Variants in PID1 observed in about 807,000 individuals in gnomAD.
PID1 encodes PTB-containing, cubilin and LRP1-interacting protein.
PID1 carries 10 observed loss-of-function variants against 19.1 expected under a neutral mutation model. The observed-to-expected ratio is 0.52, with a 90% CI of 0.32 to 0.89. PID1 has a LOEUF of 0.89. PID1 is among the 40% of genes least tolerant of loss of function. The pLI is 0.03. For missense variants in PID1, 248 were observed against 285.3 expected, an observed-to-expected ratio of 0.87 and a Z score of 0.94; for synonymous variants, 130 against 116.0, an observed-to-expected ratio of 1.12 and a Z score of -0.78.
intron 1 of PID1, among the ~76,000 whole-genome samples, chr2:229,214,020 C>T (rs147466203): frequency 1.1e-3 from 173 of 152,164 alleles, no homozygotes; most frequent in African/African-American, 3.8e-3. Context: ...TTAAGGAAAC[C>T]GAAACATGGA....
At chr2:229,050,836 A>G (rs1272351713) in intron 2 of PID1, among the ~76,000 whole-genome samples, 1 of 109,510 alleles carries the variant, frequency 9.1e-6, no homozygotes, top group Non-Finnish European at 1.8e-5. Context: ...CAAAAACAAA[A>G]CAAAAACAAC....
At chr2:229,256,220 G>A (rs1690291429) in intron 1 of PID1, among the ~76,000 whole-genome samples, 1 of 152,176 alleles carries the variant, frequency 6.6e-6, no homozygotes, top group South Asian at 2.1e-4. Flanking sequence ...AGATGGAACA[G>A]CAGCTGCTCA....
At position 229,210,139 on chromosome 2, in the gene PID1, TA is replaced by T. The variant is rs752450558; in HGVS notation, c.31-54176del. On this transcript the variant is annotated intron_variant, in intron 1 of 2. Coordinates refer to ENST00000392055, the MANE Select transcript of PID1 (RefSeq NM_001100818.2). Reference sequence around the variant, plus strand: ...GTATCAGACAGCGACTACTTGAACTTAAAAAAAAAAAAAAAAGTAAAATATG... The same window carrying T: ...GTATCAGACAGCGACTACTTGAACTTAAAAAAAAAAAAAAAGTAAAATATG... Among the ~76,000 whole-genome samples, 1,089 of 133,028 alleles carry T rather than the reference TA, an allele frequency of 8.2e-3. 5 individuals are homozygous for T. Among genetic ancestry groups the T allele is most frequent in the African/African-American group, 0.014 (493 of 36,022 alleles). The allele number at this position is 133,028 out of a possible 152,430, so 87.3% of individuals were successfully genotyped here.
chr2:229,043,260 C>T (rs1182133994), intron 2 of PID1, among the ~76,000 whole-genome samples: 5 of 152,094 alleles, frequency 3.3e-5, no homozygotes, highest in Non-Finnish European at 5.9e-5. Flanking sequence ...CCTGCCTCGG[C>T]CTCCCAAAGT....
chr2:229,232,836 T>C (rs1692244575), intron 1 of PID1, among the ~76,000 whole-genome samples: 1 of 149,518 alleles, frequency 6.7e-6, no homozygotes, highest in African/African-American at 2.4e-5. Flanking sequence ...TACATGCATG[T>C]GTATGTGTGT....
chr2:229,117,483 T>C (rs1218448075), intron 2 of PID1, among the ~76,000 whole-genome samples: 1 of 152,194 alleles, frequency 6.6e-6, no homozygotes, highest in Non-Finnish European at 1.5e-5. Context: ...GGGTCTCTCA[T>C]ACAGTCCTGC....
At chr2:229,094,464 A>G (rs1694935861) in intron 2 of PID1, among the ~76,000 whole-genome samples, 1 of 152,204 alleles carries the variant, frequency 6.6e-6, no homozygotes, top group South Asian at 2.1e-4. Flanking sequence ...GGAACCAAAG[A>G]AAAGCCCAAA....
chr2:229,114,720 AC>A (rs1695376103), intron 2 of PID1, among the ~76,000 whole-genome samples: 1 of 152,212 alleles, frequency 6.6e-6, no homozygotes, highest in African/African-American at 2.4e-5. Flanking sequence ...TTTCTAAAAC[AC>A]ATCTTTGTAA....
chr2:229,113,566 TTGTGTATG>T (rs1291985216), intron 2 of PID1, among the ~76,000 whole-genome samples: 9 of 141,054 alleles, frequency 6.4e-5, no homozygotes, highest in South Asian at 2.3e-4. Context: ...GCCTAGTTGT[TTGTGTATG>T]TGTGTATGTG....
rs1031940075 is a variant in PID1 at position 229,237,978 on chromosome 2, A to T, written c.30+33036T>A. ...CTACTAAATGAAATCTACATGGTAG[A>T]AAAAGTGGAGCTAGTATCAAACTAA... On this transcript the variant is annotated intron_variant, in intron 1 of 2. Transcript: ENST00000392055. Among the ~76,000 whole-genome samples the T allele has an allele frequency of 5.3e-5, 8 of 152,346 alleles. No individual in the cohort carries two copies. In the East Asian group the frequency reaches 1.5e-3, roughly 29 times the overall value.
chr2:229,251,944 T>TAAAAAAAAAAAAAA (rs11284650), intron 1 of PID1, among the ~76,000 whole-genome samples: 1 of 71,474 alleles, frequency 1.4e-5, no homozygotes. Context: ...AACCATAAGC[T>TAAAAAAAAAAAAAA]AAAAAAAAAA....
intron 2 of PID1, among the ~76,000 whole-genome samples, chr2:229,114,485 C>G (rs895651728): frequency 6.6e-6 from 1 of 152,086 alleles, no homozygotes; most frequent in Non-Finnish European, 1.5e-5. Flanking sequence ...TTTGAAATTG[C>G]TCAACAGCCC....
At chr2:229,054,434 T>A (rs1694054280) in intron 2 of PID1, among the ~76,000 whole-genome samples, 1 of 152,114 alleles carries the variant, frequency 6.6e-6, no homozygotes, top group Non-Finnish European at 1.5e-5. Flanking sequence ...CTAGGTAGAA[T>A]CTATGATGGA....
At chr2:229,041,699 C>T (rs919411493) in intron 2 of PID1, among the ~76,000 whole-genome samples, 1 of 152,174 alleles carries the variant, frequency 6.6e-6, no homozygotes, top group African/African-American at 2.4e-5. Context: ...AAATCTAACA[C>T]ACCCCATCAC....
rs1362101481 is a variant in PID1, at chr2:229,151,296, C to G, written c.177+4522G>C. 3.9e-5 allele frequency among the ~76,000 whole-genome samples: 6 copies of G among 152,250 alleles called. No homozygotes were observed. The East Asian group carries it at 1.2e-3, about 29-fold the overall frequency. On this transcript the variant is annotated intron_variant, in intron 2 of 2. Transcript: ENST00000392055. ...CAGTGGAATCCGGTGGGGGGGAGCA[C>G]AGGCTGTGGAGTCAGAATGCTGCAG...
chr2:229,049,315 T>C (rs896184815), intron 2 of PID1, among the ~76,000 whole-genome samples: 2 of 152,200 alleles, frequency 1.3e-5, no homozygotes, highest in Non-Finnish European at 2.9e-5. Context: ...CTTTGGTAAA[T>C]GACTTGTTCA....
chr2:229,155,139 G>T (rs1574674175), intron 2 of PID1, among the ~76,000 whole-genome samples: 1 of 152,104 alleles, frequency 6.6e-6, no homozygotes, highest in Admixed American at 6.5e-5. Context: ...CATTCTTCAA[G>T]ATATGTTTTA....
chr2:229,123,479 T>A (rs555999195), intron 2 of PID1, among the ~76,000 whole-genome samples: 7 of 152,248 alleles, frequency 4.6e-5, no homozygotes, highest in Non-Finnish European at 1.0e-4. Context: ...AATGTTACTA[T>A]GAACATTTGT....
At chr2:229,119,401 T>C (rs1362986635) in intron 2 of PID1, among the ~76,000 whole-genome samples, 1 of 152,232 alleles carries the variant, frequency 6.6e-6, no homozygotes. Flanking sequence ...GGACAATGCC[T>C]GAAGAGTTTA....
Sources: gnomAD v4.1 joint callset for allele counts (sites outside exome capture counted in the v4.1 genomes callset) on GRCh38, gnomAD v4.1.1 for gene constraint, MANE v1.5 for transcripts, NCBI Gene and HGNC (gene_info 2026-07-23, HGNC 2026-07-21) for gene names.